MECOM: variants seen among roughly 807,000 people sequenced by gnomAD.
MECOM encodes MDS1 and EVI1 complex locus, also known as histone-lysine N-methyltransferase MECOM.
In MECOM, 13 loss-of-function variants were observed where a neutral mutation model predicts 116.3. The observed-to-expected ratio is 0.11, with a 90% CI of 0.07 to 0.18. The LOEUF is 0.18. MECOM is among the 10% of genes least tolerant of loss of function. MECOM has a pLI of 1.00. For synonymous variants in MECOM, 528 were observed against 535.2 expected, an observed-to-expected ratio of 0.99 and a Z score of 0.19; for missense variants, 1,299 against 1,509.0, an observed-to-expected ratio of 0.86 and a Z score of 2.31.
At chr3:169,398,972 C>T (rs1054343149) in intron 1 of MECOM, among the ~76,000 whole-genome samples, 9 of 152,196 alleles carry the variant, frequency 5.9e-5, no homozygotes, top group African/African-American at 2.2e-4. Context: ...AGGGTTCCCA[C>T]TCTCCATGTT....
intron 2 of MECOM, among the ~76,000 whole-genome samples, chr3:169,284,096 T>C (rs1712751252): frequency 1.3e-5 from 2 of 152,242 alleles, no homozygotes; most frequent in African/African-American, 4.8e-5. Context: ...TGCCAGGCTT[T>C]GTGCCCAGTC....
chr3:169,116,612 T>C lies in MECOM; in HGVS notation c.1260A>G (p.Leu420=). Residue 420 remains leucine, a synonymous_variant, in exon 8 of 17, where the codon TTA becomes TTG. Coordinates refer to ENST00000651503, the MANE Select transcript of MECOM (RefSeq NM_004991.4). ...CCTCACAAAACCTCCTGTGTTTATT[T>C]AAGGAAGACGTAGTGCTGAACATTT... The part of the protein sequence containing the change: ...CGQMFSTTSS[L]NKHRRFCEGK... 4.3e-6 allele frequency: 7 copies of C among 1,614,182 alleles called. No homozygotes were observed. The highest frequency in any genetic ancestry group is 5.9e-6 in the Non-Finnish European group (7 of 1,180,016).
intron 2 of MECOM, among the ~76,000 whole-genome samples, chr3:169,314,646 G>A (rs1719413914): frequency 6.6e-6 from 1 of 151,902 alleles, no homozygotes; most frequent in Admixed American, 6.6e-5. Flanking sequence ...GGAAAGAGAA[G>A]AAAAGGGAAA....
At chr3:169,096,279 T>TG (rs1041212030) in intron 12 of MECOM, among the ~76,000 whole-genome samples, 5 of 151,874 alleles carry the variant, frequency 3.3e-5, no homozygotes, top group African/African-American at 1.2e-4. Context: ...CCTTTTTTTT[T>TG]TTTGTTTTTT....
intron 1 of MECOM, among the ~76,000 whole-genome samples, chr3:169,438,739 G>T (rs986958599): frequency 6.6e-6 from 1 of 152,226 alleles, no homozygotes; most frequent in South Asian, 2.1e-4. Context: ...AATGTTTCAG[G>T]TACTATCGGG....
chr3:169,529,482 A>G (rs1758335376), intron 1 of MECOM, among the ~76,000 whole-genome samples: 1 of 152,154 alleles, frequency 6.6e-6, no homozygotes, highest in African/African-American at 2.4e-5. Context: ...GGCTTCCCAT[A>G]TCCATATCCT....
chr3:169,169,629 G>C (rs1169318299), intron 2 of MECOM, among the ~76,000 whole-genome samples: 1 of 150,660 alleles, frequency 6.6e-6, no homozygotes, highest in African/African-American at 2.4e-5. Context: ...AGTACCTCTT[G>C]TACTTAAAAA....
At chr3:169,617,911 C>T (rs1258528040) in intron 1 of MECOM, among the ~76,000 whole-genome samples, 1 of 152,200 alleles carries the variant, frequency 6.6e-6, no homozygotes, top group African/African-American at 2.4e-5. Flanking sequence ...ACAACTGTCT[C>T]CCCTCTCCTG....
intron 2 of MECOM, among the ~76,000 whole-genome samples, chr3:169,183,895 C>T (rs985350403): frequency 6.6e-6 from 1 of 150,900 alleles, no homozygotes; most frequent in African/African-American, 2.4e-5. Context: ...GACGGAGTCT[C>T]CCTCTGTTGC....
At chr3:169,477,405 C>T (rs1239758183) in intron 1 of MECOM, among the ~76,000 whole-genome samples, 1 of 151,816 alleles carries the variant, frequency 6.6e-6, no homozygotes, top group Non-Finnish European at 1.5e-5. Flanking sequence ...AAAATGAAGA[C>T]CATCAATGAT....
chr3:169,650,185 TC>T (rs1774707893), intron 1 of MECOM, among the ~76,000 whole-genome samples: 1 of 152,384 alleles, frequency 6.6e-6, no homozygotes, highest in South Asian at 2.1e-4. Flanking sequence ...AAAGATAGTT[TC>T]CATTATAAAA....
intron 2 of MECOM, among the ~76,000 whole-genome samples, chr3:169,229,496 T>C (rs1484761324): frequency 6.6e-6 from 1 of 152,134 alleles, no homozygotes; most frequent in Non-Finnish European, 1.5e-5. Context: ...GAGGTTACTA[T>C]CCTGGGTCAG....
intron 2 of MECOM, among the ~76,000 whole-genome samples, chr3:169,191,766 G>GAAAGAAAGAAAGAA (rs1559973936): frequency 8.2e-5 from 11 of 133,394 alleles, no homozygotes; most frequent in African/African-American, 3.1e-4. Flanking sequence ...AAGAAAGAAA[G>GAAAGAAAGAAAGAA]AAAGAAAGAA....
At chr3:169,518,596 CTTGT>C (rs1389903703) in intron 1 of MECOM, among the ~76,000 whole-genome samples, 1 of 151,924 alleles carries the variant, frequency 6.6e-6, no homozygotes, top group African/African-American at 2.4e-5. Flanking sequence ...CAGTTTTTTG[CTTGT>C]TTGTTTGTTT....
At chr3:169,299,223 C>T (rs922796020) in intron 2 of MECOM, among the ~76,000 whole-genome samples, 3 of 152,034 alleles carry the variant, frequency 2.0e-5, no homozygotes, top group Non-Finnish European at 2.9e-5. Context: ...TCAGGAGGCC[C>T]GTTTATTGCA....
At chr3:169,267,030 G>A (rs1560066674) in intron 2 of MECOM, among the ~76,000 whole-genome samples, 1 of 152,124 alleles carries the variant, frequency 6.6e-6, no homozygotes, top group Admixed American at 6.6e-5. Flanking sequence ...CCCTCAAAGG[G>A]GACTGACTTA....
intron 1 of MECOM, among the ~76,000 whole-genome samples, chr3:169,648,181 GCCAAGGATTCACT>G (rs1577274530): frequency 1.3e-5 from 2 of 152,342 alleles, no homozygotes; most frequent in East Asian, 3.9e-4. Flanking sequence ...CCTGGCCAAT[GCCAAGGATTCACT>G]TGGAAGGTTA....
chr3:169,581,649 T>G (rs1765135461), intron 1 of MECOM, among the ~76,000 whole-genome samples: 1 of 152,184 alleles, frequency 6.6e-6, no homozygotes, highest in Non-Finnish European at 1.5e-5. Flanking sequence ...CATCTTGATC[T>G]TATTTGAATG....
rs114807662 is a variant in MECOM at position 169,651,450 on chromosome 3, A to G, written c.37+11886T>C. Among the ~76,000 whole-genome samples, 279 of 152,332 alleles carry G rather than the reference A, an allele frequency of 1.8e-3. 1 individual carries two copies. The highest frequency in any genetic ancestry group is 6.5e-3 in the African/African-American group (269 of 41,560). On this transcript the variant is annotated intron_variant, in intron 1 of 16. Coordinates refer to ENST00000651503, the MANE Select transcript of MECOM (RefSeq NM_004991.4). ...AAGGATTTTAGCATCTATGTTCATC[A>G]GGATATTGGTCTGTAGTTTTCTTTT...
Sources: gnomAD v4.1 joint callset for allele counts (sites outside exome capture counted in the v4.1 genomes callset) on GRCh38, gnomAD v4.1.1 for gene constraint, MANE v1.5 for transcripts, NCBI Gene and HGNC (gene_info 2026-07-23, HGNC 2026-07-21) for gene names.